CNTNAP2: variants seen among roughly 807,000 people sequenced by gnomAD.
The protein encoded by CNTNAP2 is contactin associated protein 2, also known as contactin-associated protein-like 2.
In CNTNAP2, 98 loss-of-function variants were observed where a neutral mutation model predicts 155.2. The ratio of observed to expected loss-of-function variants is 0.63; its 90% CI spans 0.54 to 0.75. CNTNAP2 has a LOEUF of 0.75. CNTNAP2 is among the 30% of genes least tolerant of loss of function. CNTNAP2 has a pLI of 0.00. For missense variants in CNTNAP2, 1,727 were observed against 1,688.1 expected, an observed-to-expected ratio of 1.02 and a Z score of -0.40; for synonymous variants, 651 against 631.2, an observed-to-expected ratio of 1.03 and a Z score of -0.47.
At chr7:146,830,436 G>T (rs1049167173) in intron 2 of CNTNAP2, among the ~76,000 whole-genome samples, 1 of 151,876 alleles carries the variant, frequency 6.6e-6, no homozygotes, top group Admixed American at 6.6e-5. Context: ...CCTGATACTA[G>T]CTATTTATAT....
At chr7:147,251,932 T>G (rs2116660648) in intron 8 of CNTNAP2, among the ~76,000 whole-genome samples, 1 of 152,254 alleles carries the variant, frequency 6.6e-6, no homozygotes, top group African/African-American at 2.4e-5. Flanking sequence ...CTTCCAAGTT[T>G]AATTCAATGG....
chr7:147,722,888 T>G (rs1275040324), intron 13 of CNTNAP2, among the ~76,000 whole-genome samples: 1 of 152,072 alleles, frequency 6.6e-6, no homozygotes, highest in Non-Finnish European at 1.5e-5. Flanking sequence ...CTTCTGCAAG[T>G]CTAAAATTCT....
intron 13 of CNTNAP2, among the ~76,000 whole-genome samples, chr7:147,755,234 G>A (rs1797197260): frequency 6.6e-6 from 1 of 152,064 alleles, no homozygotes; most frequent in South Asian, 2.1e-4. Flanking sequence ...GATCTTCCTG[G>A]GCATCACCTC....
At chr7:146,480,892 C>A (rs572976377) in intron 1 of CNTNAP2, among the ~76,000 whole-genome samples, 2 of 151,716 alleles carry the variant, frequency 1.3e-5, no homozygotes, top group African/African-American at 4.8e-5. Flanking sequence ...CTGTGTTAGC[C>A]AGAATGGTCT....
chr7:146,945,384 A>G (rs1309325792), intron 3 of CNTNAP2, among the ~76,000 whole-genome samples: 3 of 152,186 alleles, frequency 2.0e-5, no homozygotes, highest in Non-Finnish European at 4.4e-5. Flanking sequence ...GGGAATATCC[A>G]TTTCTGCACC....
At chr7:147,284,487 G>A (rs1356771381) in intron 8 of CNTNAP2, among the ~76,000 whole-genome samples, 1 of 151,600 alleles carries the variant, frequency 6.6e-6, no homozygotes, top group Non-Finnish European at 1.5e-5. Flanking sequence ...CCTGACTTAT[G>A]CACATGATGC....
At chr7:147,807,875 C>G (rs150913942) in intron 13 of CNTNAP2, among the ~76,000 whole-genome samples, 14 of 152,036 alleles carry the variant, frequency 9.2e-5, no homozygotes, top group African/African-American at 2.9e-4. Context: ...TTTGGGTTGC[C>G]AGATATTTAT....
intron 9 of CNTNAP2, among the ~76,000 whole-genome samples, chr7:147,381,921 A>G (rs1349962304): frequency 6.6e-6 from 1 of 152,048 alleles, no homozygotes; most frequent in East Asian, 1.9e-4. Context: ...TATTATAAAT[A>G]TCCATGTATA....
intron 3 of CNTNAP2, among the ~76,000 whole-genome samples, chr7:146,929,823 G>A (rs1311264616): frequency 6.6e-5 from 10 of 152,130 alleles, no homozygotes; most frequent in Admixed American, 4.6e-4. Flanking sequence ...GCGATCAACC[G>A]GAAGAAAGGG....
At chr7:147,831,846 C>T (rs1212838092) in intron 13 of CNTNAP2, 5 of 152,050 alleles carry the variant, frequency 3.3e-5, no homozygotes, top group Non-Finnish European at 7.4e-5. Flanking sequence ...ACAAGAATGA[C>T]ACATAAATGC....
intron 13 of CNTNAP2, among the ~76,000 whole-genome samples, chr7:147,720,437 A>G (rs969626867): frequency 1.3e-5 from 2 of 152,154 alleles, no homozygotes; most frequent in Non-Finnish European, 2.9e-5. Flanking sequence ...ACGTTAAACA[A>G]AAACAGGACA....
chr7:147,817,904 CAAAAA>C (rs56695268), intron 13 of CNTNAP2, among the ~76,000 whole-genome samples: 1 of 95,572 alleles, frequency 1.0e-5, no homozygotes. Flanking sequence ...GACTCTGTCT[CAAAAA>C]AAAAAAAAAA....
chr7:146,639,601 G>A (rs966022710), intron 1 of CNTNAP2, among the ~76,000 whole-genome samples: 2 of 152,162 alleles, frequency 1.3e-5, no homozygotes, highest in Admixed American at 6.5e-5. Flanking sequence ...CTCTGAACAG[G>A]AGCCTTGTGA....
At chr7:146,960,436 T>C (rs1797533297) in intron 3 of CNTNAP2, among the ~76,000 whole-genome samples, 1 of 152,182 alleles carries the variant, frequency 6.6e-6, no homozygotes, top group South Asian at 2.1e-4. Flanking sequence ...TTCTGTGCAG[T>C]GCCTGTGCTG....
chr7:146,520,650 T>G (rs941698410), intron 1 of CNTNAP2, among the ~76,000 whole-genome samples: 1 of 151,884 alleles, frequency 6.6e-6, no homozygotes, highest in Non-Finnish European at 1.5e-5. Context: ...CTGGTAGCTA[T>G]AATTATATTG....
chr7:147,289,378 T>A (rs941507432), intron 8 of CNTNAP2, among the ~76,000 whole-genome samples: 1 of 151,970 alleles, frequency 6.6e-6, no homozygotes, highest in Non-Finnish European at 1.5e-5. Flanking sequence ...TGTATTGTGT[T>A]TTATATTCAA....
At chr7:146,954,151 C>G (rs1286089693) in intron 3 of CNTNAP2, among the ~76,000 whole-genome samples, 1 of 151,848 alleles carries the variant, frequency 6.6e-6, no homozygotes, top group Non-Finnish European at 1.5e-5. Flanking sequence ...ATTTATATGC[C>G]TTTGCAATAA....
At chr7:148,386,618 G>A (rs1799202257) in intron 22 of CNTNAP2, among the ~76,000 whole-genome samples, 1 of 152,160 alleles carries the variant, frequency 6.6e-6, no homozygotes, top group South Asian at 2.1e-4. Flanking sequence ...GACAATGTGG[G>A]TTGAGGGGCT....
intron 3 of CNTNAP2, among the ~76,000 whole-genome samples, chr7:147,013,164 A>G (rs1798657800): frequency 6.6e-6 from 1 of 152,140 alleles, no homozygotes; most frequent in Admixed American, 6.6e-5. Flanking sequence ...TTAATTTTCT[A>G]AGTCATTGGT....
Sources: allele counts gnomAD v4.1 joint callset (sites outside exome capture counted in the v4.1 genomes callset), GRCh38; gene constraint gnomAD v4.1.1; transcripts MANE v1.5; gene names NCBI Gene and HGNC (gene_info 2026-07-23, HGNC 2026-07-21).